The following CUBN variants were observed in gnomAD, a reference collection of about 807,000 sequenced individuals.
CUBN encodes cubilin.
Under a neutral mutation model 405.3 loss-of-function variants are expected in CUBN, and 282 were observed. The observed-to-expected ratio is 0.70, with a 90% CI of 0.63 to 0.77. The LOEUF is 0.77. Ranked by LOEUF, CUBN falls within the 30% of genes least tolerant of loss-of-function variation. The pLI is 0.00. For synonymous variants in CUBN, 1,684 were observed against 1,617.0 expected (o/e 1.04, Z -0.99); for missense variants, 4,514 against 4,475.2 (o/e 1.01, Z -0.25).
intron 64 of CUBN, 143 bp from the exon 65 acceptor site, chr10:16,831,560 T>C (rs1407520299): frequency 1.3e-5 from 10 of 751,876 alleles, no homozygotes; most frequent in Non-Finnish European, 1.6e-5. Context: ...TTTCTGAAAA[T>C]ACATGCAGAA....
chr10:16,947,936 C>T (rs190748414), intron 35 of CUBN, among the ~76,000 whole-genome samples: 17 of 152,280 alleles, frequency 1.1e-4, no homozygotes, highest in South Asian at 1.0e-3. Context: ...CCAGGGTGAG[C>T]GAGGTGGCTC....
chr10:16,949,050 TG>T (rs1440868698), intron 34 of CUBN, among the ~76,000 whole-genome samples: 2 of 152,198 alleles, frequency 1.3e-5, no homozygotes, highest in East Asian at 3.8e-4. Flanking sequence ...CTTACGTGCT[TG>T]GTGCCTCAGT....
chr10:17,046,844 G>A (rs1435831887), intron 23 of CUBN, among the ~76,000 whole-genome samples: 2 of 152,098 alleles, frequency 1.3e-5, no homozygotes, highest in African/African-American at 4.8e-5. Flanking sequence ...ACTCAAAGTA[G>A]TGGCATGGAG....
rs34673816 is a variant in CUBN, at chr10:16,913,718, AT to A, written c.7533+92del. The stretch of plus-strand genomic sequence containing the variant: ...CTGAGTTATAGTTGCATAGATGGCA[AT>A]TTTCCTGACCTAGTTTTCTGACTAT... On this transcript the variant is annotated intron_variant, in intron 48 of 66. Coordinates refer to ENST00000377833, the MANE Select transcript of CUBN (RefSeq NM_001081.4). 5,051 of 1,474,178 alleles carry A rather than the reference AT, an allele frequency of 3.4e-3. 141 individuals carry two copies. The African/African-American group carries it at 0.061, about 18-fold the overall frequency. 91.3% of individuals were successfully genotyped at this position (1,474,178 alleles called of 1,614,324 possible). A position where few individuals can be genotyped will look rare whatever the true frequency, so the allele number is the denominator to read the frequency against.
intron 8 of CUBN, 36 bp downstream of exon 8, chr10:17,113,991 G>C (rs1278371679): frequency 6.2e-7 from 1 of 1,604,816 alleles, no homozygotes; most frequent in Admixed American, 1.7e-5. Context: ...CGCCAACCTG[G>C]CATGCAGAGC....
At chr10:17,072,265 T>C (rs767109075) in intron 17 of CUBN, among the ~76,000 whole-genome samples, 1 of 151,924 alleles carries the variant, frequency 6.6e-6, no homozygotes, top group African/African-American at 2.4e-5. Flanking sequence ...TTAGACTACT[T>C]GGAAAACAAT....
chr10:17,047,596 C>T lies in CUBN; in HGVS notation c.3147G>A (p.Leu1049=). 1 of 1,613,760 alleles carries T rather than the reference C, an allele frequency of 6.2e-7. No homozygotes were observed. The highest frequency in any genetic ancestry group is 8.5e-7 in the Non-Finnish European group (1 of 1,179,766). Residue 1049 remains leucine, a synonymous_variant, in exon 23 of 67, where the codon TTG becomes TTA. Coordinates refer to ENST00000377833, the MANE Select transcript of CUBN (RefSeq NM_001081.4). ...YEAISAATAC[L]QDYTDDLGTF... ...TCCCCAAATCATCTGTGTAGTCTTGCAAACATGCTGTGAACAGAAACAGAC... is the reference window on the plus strand; with the variant it reads ...TCCCCAAATCATCTGTGTAGTCTTGTAAACATGCTGTGAACAGAAACAGAC...
intron 59 of CUBN, among the ~76,000 whole-genome samples, chr10:16,863,837 C>T (rs983362853): frequency 1.3e-4 from 20 of 152,244 alleles, no homozygotes; most frequent in South Asian, 2.1e-4. Context: ...CCTTCTGCCA[C>T]TCCCACTGTC....
intron 33 of CUBN, 75 bp downstream of exon 33, chr10:16,952,201 G>T: frequency 9.9e-7 from 1 of 1,006,408 alleles, no homozygotes; most frequent in Non-Finnish European, 1.6e-6. Flanking sequence ...GAGATAAGAA[G>T]GTTACTCATA....
Position 16,918,608 on chromosome 10 carries a change from A to T in CUBN, c.7000+14T>A, listed in dbSNP as rs768710639. On this transcript the variant is annotated intron_variant, in intron 45 of 66. Coordinates refer to ENST00000377833, the MANE Select transcript of CUBN (RefSeq NM_001081.4). ...CCCCTGAACCTAAAATAAAAGTTTT[A>T]AAAAAATTATTACCTATAGAATACT... 3.6e-5 allele frequency: 57 copies of T among 1,604,848 alleles called. No individual in the cohort carries two copies. The highest frequency in any genetic ancestry group is 2.7e-4 in the African/African-American group (20 of 74,758).
intron 27 of CUBN, among the ~76,000 whole-genome samples, chr10:17,040,368 C>T (rs897989387): frequency 2.0e-5 from 3 of 151,962 alleles, no homozygotes; most frequent in East Asian, 1.9e-4. Flanking sequence ...GATGATGAAA[C>T]GTAGATGCCA....
intron 13 of CUBN, 152 bp from the exon 14 acceptor site, chr10:17,100,391 A>T: frequency 1.6e-6 from 1 of 642,262 alleles, no homozygotes; most frequent in Non-Finnish European, 2.8e-6. Flanking sequence ...GGCAATCTAT[A>T]TACTAAATAA....
At chr10:16,929,366 C>T (rs368872544) in intron 40 of CUBN, among the ~76,000 whole-genome samples, 3 of 152,218 alleles carry the variant, frequency 2.0e-5, no homozygotes, top group African/African-American at 7.2e-5. Flanking sequence ...GACTTGGATG[C>T]CGTGGCTGGG....
chr10:17,099,275 T>C (rs1187959278), intron 14 of CUBN, among the ~76,000 whole-genome samples: 9 of 152,122 alleles, frequency 5.9e-5, no homozygotes, highest in Admixed American at 2.6e-4. Context: ...AAAACTTGCA[T>C]AGTAAAAACT....
chr10:17,117,931 T>C (rs1180646357), intron 6 of CUBN, among the ~76,000 whole-genome samples: 1 of 152,238 alleles, frequency 6.6e-6, no homozygotes, highest in African/African-American at 2.4e-5. Flanking sequence ...TATGGTCATA[T>C]TGCAGTCTAC....
chr10:17,028,190 T>C (rs12265727), intron 27 of CUBN, among the ~76,000 whole-genome samples: 5,291 of 151,254 alleles, frequency 0.035, 308 homozygotes, highest in African/African-American at 0.12. Context: ...CAGCCTTCCC[T>C]CTGCCAATTA....
chr10:16,986,380 C>A (rs1449818035), intron 29 of CUBN, among the ~76,000 whole-genome samples: 1 of 151,744 alleles, frequency 6.6e-6, no homozygotes, highest in Non-Finnish European at 1.5e-5. Context: ...CTCAAGTGTT[C>A]TCTGGGGAGA....
chr10:16,888,412 C>T lies in CUBN; in HGVS notation c.8905+5G>A. On this transcript the variant is annotated splice_donor_5th_base_variant and intron_variant, in intron 56 of 66. Coordinates refer to ENST00000377833, the MANE Select transcript of CUBN (RefSeq NM_001081.4). ...AACGTAATTTTTTTAAAAGAATAAA[C>T]TTACCTTCTAAGTGGAAGGACACAA... 1 of 1,610,640 alleles carries T rather than the reference C, an allele frequency of 6.2e-7. No homozygotes were observed. Among genetic ancestry groups the T allele is most frequent in the Non-Finnish European group, 8.5e-7 (1 of 1,177,096 alleles).
At chr10:16,953,986 G>C (rs1842986086) in intron 32 of CUBN, among the ~76,000 whole-genome samples, 1 of 152,172 alleles carries the variant, frequency 6.6e-6, no homozygotes, top group Non-Finnish European at 1.5e-5. Context: ...GTTGGACAAT[G>C]GCAGGATTCA....
Sources: gnomAD v4.1 joint callset for allele counts (sites outside exome capture counted in the v4.1 genomes callset) on GRCh38, gnomAD v4.1.1 for gene constraint, MANE v1.5 for transcripts, NCBI Gene and HGNC (gene_info 2026-07-23, HGNC 2026-07-21) for gene names.